The following TDRD9 variants were observed in gnomAD, a reference collection of about 807,000 sequenced individuals.
The protein encoded by TDRD9 is ATP-dependent RNA helicase TDRD9.
In TDRD9, 124 loss-of-function variants were observed where a neutral mutation model predicts 172.6. That is an observed-to-expected ratio of 0.72 (90% CI 0.62 to 0.83). The LOEUF (loss-of-function observed/expected upper bound fraction) is 0.83, where lower values mean the gene tolerates loss of function less well. Among genes scored for constraint, TDRD9 ranks in the 40% least tolerant of loss-of-function variants. The pLI is 0.00. For synonymous variants in TDRD9, 619 were observed against 617.1 expected (o/e 1.00, Z -0.05); for missense variants, 1,479 against 1,714.1 (o/e 0.86, Z 2.42).
intron 1 of TDRD9, among the ~76,000 whole-genome samples, chr14:103,947,606 C>G (rs2031639422): frequency 6.6e-6 from 1 of 152,156 alleles, no homozygotes; most frequent in South Asian, 2.1e-4. Context: ...GGATTACAGG[C>G]ATGAGCCACC....
intron 30 of TDRD9, among the ~76,000 whole-genome samples, chr14:104,032,930 C>CGG (rs2035330324): frequency 6.6e-6 from 1 of 152,150 alleles, no homozygotes. Flanking sequence ...ACAGAGGCGT[C>CGG]AGCCAAGGTG....
Position 103,975,547 on chromosome 14 carries a change from T to C in TDRD9, c.1005T>C (p.His335=), listed in dbSNP as rs2152167049. ...YYLNDLEHIH[H]SKLSPHLLEE... The stretch of plus-strand genomic sequence containing the variant: ...TTAATGATTTGGAGCACATTCATCA[T>C]AGCAAGGTATGTTAGAATGTGCTGT... The change falls in exon 7 of 36, where the codon CAT becomes CAC. Residue 335 remains histidine, a synonymous_variant. Coordinates refer to ENST00000409874, the MANE Select transcript of TDRD9 (RefSeq NM_153046.3). 6.2e-7 allele frequency: 1 copy of C among 1,603,486 alleles called. No homozygotes were observed. The highest frequency in any genetic ancestry group is 8.5e-7 in the Non-Finnish European group (1 of 1,174,340).
intron 1 of TDRD9, chr14:103,942,039 T>A (rs2031268865): frequency 4.4e-6 from 1 of 227,050 alleles, no homozygotes; most frequent in Non-Finnish European, 8.5e-6. Flanking sequence ...GGGCAAGTGC[T>A]GCCTACAGAT....
chr14:104,037,165 G>T (rs1447508026), intron 32 of TDRD9, among the ~76,000 whole-genome samples: 2 of 152,072 alleles, frequency 1.3e-5, no homozygotes, highest in Non-Finnish European at 2.9e-5. Context: ...GCGAGCAGGA[G>T]GGGGGTCTTC....
At chr14:104,024,078 G>A (rs1481804971) in intron 24 of TDRD9, among the ~76,000 whole-genome samples, 1 of 151,974 alleles carries the variant, frequency 6.6e-6, no homozygotes, top group East Asian at 1.9e-4. Context: ...CTATCTTATT[G>A]CCTTTAAGGG....
chr14:104,024,492 G>A lies in TDRD9; in HGVS notation c.2607-77G>A, dbSNP rs2035054586. ...TTGTAGAAATATTAGAATAGTTCAA[G>A]TGATAATTTCACATATGTAAATGTG... On this transcript the variant is annotated intron_variant, in intron 24 of 35. Transcript: ENST00000409874. 1.8e-5 allele frequency: 13 copies of A among 736,316 alleles called. No homozygotes were observed. The South Asian group carries it at 2.5e-4, about 14-fold the overall frequency. The allele number at this position is 736,316 out of a possible 1,614,324, so 45.6% of individuals were successfully genotyped here. A position where few individuals can be genotyped will look rare whatever the true frequency, so the allele number is the denominator to read the frequency against.
chr14:103,994,610 A>G lies in TDRD9; in HGVS notation c.1320+7A>G. 1.2e-6 allele frequency: 2 copies of G among 1,609,898 alleles called. No homozygotes were observed. The highest frequency in any genetic ancestry group is 1.7e-6 in the Non-Finnish European group (2 of 1,177,426). On this transcript the variant is annotated splice_region_variant and intron_variant, in intron 11 of 35. Coordinates refer to ENST00000409874, the MANE Select transcript of TDRD9 (RefSeq NM_153046.3). Reference sequence around the variant, plus strand: ...AGTCCCTGGGTACAGAAAGGTAGGAAAACTGGGAAGACAAGTTCTAAGCAC... The same window carrying G: ...AGTCCCTGGGTACAGAAAGGTAGGAGAACTGGGAAGACAAGTTCTAAGCAC...
intron 21 of TDRD9, among the ~76,000 whole-genome samples, chr14:104,015,440 A>C (rs983651984): frequency 6.6e-5 from 10 of 152,168 alleles, no homozygotes; most frequent in Non-Finnish European, 1.3e-4. Context: ...TGGATGTAAA[A>C]TTGCTCTAAG....
At chr14:104,014,867 T>G in intron 21 of TDRD9, 26 bp downstream of exon 21, 1 of 1,366,460 alleles carries the variant, frequency 7.3e-7, no homozygotes, top group South Asian at 1.2e-5. Context: ...CTGGATATTT[T>G]TTTTCCTGAT....
At chr14:104,026,645 A>C in intron 27 of TDRD9, 34 bp from the exon 28 acceptor site, 1 of 1,603,962 alleles carries the variant, frequency 6.2e-7, no homozygotes, top group Non-Finnish European at 8.5e-7. Flanking sequence ...CTTATTTATA[A>C]AGCTGTTTGA....
chr14:103,988,830 C>G (rs1018900193), intron 8 of TDRD9, among the ~76,000 whole-genome samples: 5 of 151,876 alleles, frequency 3.3e-5, no homozygotes. Flanking sequence ...GTAGCTGGGA[C>G]TTAGAGGTGC....
At chr14:104,042,274 A>G (rs1361331858) in intron 34 of TDRD9, 87 bp downstream of exon 34, 1 of 891,516 alleles carries the variant, frequency 1.1e-6, no homozygotes, top group East Asian at 2.6e-5. Context: ...TTGTGTAGGC[A>G]ATGTGACATA....
chr14:104,014,659 AGT>A (rs1384421865), intron 20 of TDRD9, 64 bp from the exon 21 acceptor site: 2 of 847,320 alleles, frequency 2.4e-6, no homozygotes, highest in Non-Finnish European at 4.0e-6. Context: ...CTTATTTTCT[AGT>A]GTTTTCACTG....
chr14:103,948,090 T>A (rs1229974396), intron 1 of TDRD9, among the ~76,000 whole-genome samples: 13 of 152,220 alleles, frequency 8.5e-5, no homozygotes, highest in Non-Finnish European at 1.9e-4. Flanking sequence ...CATAGCTCAC[T>A]GCAGTCTCGA....
chr14:103,983,004 A>G (rs755635603), intron 7 of TDRD9, among the ~76,000 whole-genome samples: 3 of 149,456 alleles, frequency 2.0e-5, no homozygotes, highest in Non-Finnish European at 3.0e-5. Flanking sequence ...TCAACAACCC[A>G]GGTCCAGTAG....
intron 8 of TDRD9, 93 bp from the exon 9 acceptor site, chr14:103,991,067 T>C (rs969185305): frequency 8.2e-6 from 12 of 1,468,742 alleles, no homozygotes; most frequent in Non-Finnish European, 1.1e-5. Flanking sequence ...GTAAGAGCCT[T>C]TCAGGATTAA....
intron 13 of TDRD9, among the ~76,000 whole-genome samples, chr14:104,001,670 G>A (rs1018691366): frequency 1.3e-5 from 2 of 152,126 alleles, no homozygotes; most frequent in African/African-American, 2.4e-5. Flanking sequence ...GTGCAACGAC[G>A]TGATCTCGGC....
At chr14:103,969,314 G>A (rs988125306) in intron 5 of TDRD9, among the ~76,000 whole-genome samples, 1 of 152,006 alleles carries the variant, frequency 6.6e-6, no homozygotes, top group African/African-American at 2.4e-5. Context: ...GAGCCAGTGG[G>A]TTGCGGGGCA....
At chr14:103,961,968 G>A (rs1362434733) in intron 2 of TDRD9, among the ~76,000 whole-genome samples, 1 of 152,116 alleles carries the variant, frequency 6.6e-6, no homozygotes, top group East Asian at 1.9e-4. Context: ...GAATGAGTGC[G>A]GTGCTAAATT....
Sources: allele counts gnomAD v4.1 joint callset (sites outside exome capture counted in the v4.1 genomes callset), GRCh38; gene constraint gnomAD v4.1.1; transcripts MANE v1.5; gene names NCBI Gene and HGNC (gene_info 2026-07-23, HGNC 2026-07-21).